The following SELENOP variants were observed in gnomAD, a reference collection of about 807,000 sequenced individuals.
SELENOP encodes the protein selenoprotein P.
Under a neutral mutation model 41.0 loss-of-function variants are expected in SELENOP, and 36 were observed. The ratio of observed to expected loss-of-function variants is 0.88; its 90% CI spans 0.67 to 1.16. The LOEUF (loss-of-function observed/expected upper bound fraction) is 1.16. Among genes scored for constraint, SELENOP ranks in the 50% most tolerant of loss-of-function variants. The probability of loss-of-function intolerance (pLI) is 0.00; values close to 1 mark genes in which losing one functional copy is unlikely to be tolerated. For missense variants in SELENOP, 440 were observed against 454.2 expected (o/e 0.97, Z 0.28); for synonymous variants, 144 against 150.8 (o/e 0.95, Z 0.33).
rs1052324191 is a variant in SELENOP at position 42,801,687 on chromosome 5, G to C, written c.535-356C>G. ...ATCCCACCACTTTGGGTGGCCGAGG[G>C]GGGCAGATTACTTGGGCTCAGGAGT... is the stretch of plus-strand genomic sequence containing the variant. On this transcript the variant is annotated intron_variant, in intron 4 of 4. Coordinates refer to ENST00000514985, the MANE Select transcript of SELENOP (RefSeq NM_005410.4). 13 of 275,684 alleles carry C rather than the reference G, an allele frequency of 4.7e-5. No homozygotes were observed. The East Asian group carries it at 7.6e-4, about 16-fold the overall frequency. The allele number at this position is 275,684 out of a possible 1,614,324, so 17.1% of individuals were successfully genotyped here.
intron 3 of SELENOP, chr5:42,805,780 G>A (rs1760318332): frequency 6.6e-6 from 1 of 152,074 alleles, no homozygotes; most frequent in South Asian, 2.1e-4. Context: ...CCAATTTATG[G>A]GGATAATCAA....
At chr5:42,810,956 C>G (rs375425824) in intron 1 of SELENOP, among the ~76,000 whole-genome samples, 4 of 151,990 alleles carry the variant, frequency 2.6e-5, no homozygotes, top group Non-Finnish European at 5.9e-5. Flanking sequence ...TTTCTTACAC[C>G]GTAAACCTTT....
At position 42,800,487 on chromosome 5, in the gene SELENOP, A is replaced by G. The variant is rs1005406926; in HGVS notation, c.*233T>C. ...GAACACTGGAAAAAGAAAAAAAAAG[A>G]CATATTAACCAAAAGCTGCAATCAC... is the stretch of plus-strand genomic sequence containing the variant. On this transcript the variant is annotated 3_prime_UTR_variant, in exon 5 of 5. Transcript: ENST00000514985. 4 of 447,102 alleles carry G rather than the reference A, an allele frequency of 8.9e-6. No homozygotes were observed. The highest frequency in any genetic ancestry group is 8.0e-5 in the African/African-American group (4 of 49,712). The allele number at this position is 447,102 out of a possible 1,614,324, so 27.7% of individuals were successfully genotyped here. A position where few individuals can be genotyped will look rare whatever the true frequency, so the allele number is the denominator to read the frequency against.
rs776453322 is a variant in SELENOP, at chr5:42,804,700, T to C, written c.490A>G (p.Lys164Glu). The change falls in exon 4 of 5, where the codon AAG becomes GAG. Residue 164 changes from lysine (K) to glutamate (E), a missense_variant. Coordinates refer to ENST00000514985, the MANE Select transcript of SELENOP (RefSeq NM_005410.4). The stretch of plus-strand genomic sequence containing the variant: ...CATTTCTTTTCACAGTAAGCAATCT[T>C]AATGGCTTCTTCTACATATGGGAAA... ...LTFPYVEEAI[K>E]IAYCEKKCGN... 2 of 1,610,348 alleles carry C rather than the reference T, an allele frequency of 1.2e-6. No individual in the cohort carries two copies. The highest frequency in any genetic ancestry group is 1.7e-6 in the Non-Finnish European group (2 of 1,177,310).
chr5:42,802,951 A>G (rs977073290), intron 4 of SELENOP, among the ~76,000 whole-genome samples: 2 of 141,440 alleles, frequency 1.4e-5, no homozygotes, highest in African/African-American at 4.9e-5. Flanking sequence ...TTTACTGATT[A>G]TGTGATGCAT....
chr5:42,801,099 C>A lies in SELENOP; in HGVS notation c.767G>T (p.Gly256Val), dbSNP rs373890378. The A allele has an allele frequency of 5.0e-6, 8 of 1,613,988 alleles. No individual in the cohort carries two copies. Among genetic ancestry groups the A allele is most frequent in the Non-Finnish European group, 6.8e-6 (8 of 1,180,026 alleles). Residue 256 changes from glycine to valine, a missense_variant, in exon 5 of 5, where the codon GGT (glycine) becomes GTT (valine). Transcript: ENST00000514985. ...TGGCATATCTCGGTTCTCTGGGTGA[C>A]CCTGCCTATGCTGACCCTTGTGCTT... The part of the protein sequence containing the change: ...HHKHKGQHRQ[G>V]HPENRDMPAS...
At chr5:42,810,331 TTTC>T (rs1463298471) in intron 1 of SELENOP, among the ~76,000 whole-genome samples, 28 of 152,252 alleles carry the variant, frequency 1.8e-4, no homozygotes, top group African/African-American at 6.3e-4. Flanking sequence ...AGCTGTTTTA[TTTC>T]TTAATAGAAA....
chr5:42,806,433 T>C (rs1428551773), intron 3 of SELENOP: 1 of 152,920 alleles, frequency 6.5e-6, no homozygotes, highest in Admixed American at 6.5e-5. Context: ...AGTTCAGTCA[T>C]TGTGTTTCAG....
chr5:42,802,858 C>T (rs1323576461), intron 4 of SELENOP, among the ~76,000 whole-genome samples: 1 of 152,214 alleles, frequency 6.6e-6, no homozygotes, highest in Non-Finnish European at 1.5e-5. Flanking sequence ...ATTCATCCAC[C>T]TCGGCCTCCC....
chr5:42,807,078 T>C lies in SELENOP; in HGVS notation c.234A>G (p.Lys78=). ...KLEDLRVKLK[K]EGYSNISYIV... is the part of the protein sequence containing the mutation. ...TATAAGAAATATTAGAATATCCTTC[T>C]TTCTTCAGTTTTACTCGCAGGTCTT... The change falls in exon 3 of 5, where the codon AAA becomes AAG. Residue 78 remains lysine (K), a synonymous_variant. Coordinates refer to ENST00000514985, the MANE Select transcript of SELENOP (RefSeq NM_005410.4). 6.6e-7 allele frequency: 1 copy of C among 1,520,514 alleles called. No individual in the cohort carries two copies. The highest frequency in any genetic ancestry group is 9.1e-7 in the Non-Finnish European group (1 of 1,103,200). 94.2% of individuals were successfully genotyped at this position (1,520,514 alleles called of 1,614,324 possible). A position where few individuals can be genotyped will look rare whatever the true frequency, so the allele number is the denominator to read the frequency against.
intron 3 of SELENOP, chr5:42,806,621 G>A (rs1211253358): frequency 7.9e-6 from 2 of 252,864 alleles, no homozygotes; most frequent in Non-Finnish European, 1.5e-5. Context: ...TCAGGAGGTG[G>A]AAGAGGAGGA....
intron 1 of SELENOP, among the ~76,000 whole-genome samples, chr5:42,810,957 G>A (rs1022546944): frequency 2.6e-5 from 4 of 152,010 alleles, no homozygotes; most frequent in African/African-American, 7.3e-5. Context: ...TTCTTACACC[G>A]TAAACCTTTG....
intron 4 of SELENOP, among the ~76,000 whole-genome samples, chr5:42,803,890 G>C (rs1760266455): frequency 6.6e-6 from 1 of 152,166 alleles, no homozygotes; most frequent in Non-Finnish European, 1.5e-5. Flanking sequence ...AGGGCTTCAG[G>C]AAAAATCTGA....
chr5:42,804,855 A>G (rs963269474), intron 3 of SELENOP, 82 bp from the exon 4 acceptor site: 4 of 876,906 alleles, frequency 4.6e-6, no homozygotes, highest in Non-Finnish European at 7.1e-6. Flanking sequence ...GATAGGTATT[A>G]TAGGTTTAAT....
chr5:42,801,584 TG>T (rs1760204140), intron 4 of SELENOP: 6 of 457,848 alleles, frequency 1.3e-5, no homozygotes, highest in Admixed American at 3.9e-5. Flanking sequence ...AAAAGGAACT[TG>T]GATTGCAGGA....
Position 42,806,994 on chromosome 5 carries a change from C to T in SELENOP, c.318G>A (p.Lys106=). 1 of 1,607,936 alleles carries T rather than the reference C, an allele frequency of 6.2e-7. No homozygotes were observed. The highest frequency in any genetic ancestry group is 8.5e-7 in the Non-Finnish European group (1 of 1,175,112). The change falls in exon 3 of 5, where the codon AAG becomes AAA. Residue 106 remains lysine, a synonymous_variant. Transcript: ENST00000514985. ...SRLKYTHLKN[K]VSEHIPVYQQ... Reference sequence around the variant, plus strand: ...GATAAACAGGAATATGCTCTGAAACCTTATTCTTAAGATGTGTGTATTTTA... The same window carrying T: ...GATAAACAGGAATATGCTCTGAAACTTTATTCTTAAGATGTGTGTATTTTA...
chr5:42,808,817 G>A (rs966443115), intron 1 of SELENOP, among the ~76,000 whole-genome samples: 1 of 151,918 alleles, frequency 6.6e-6, no homozygotes, highest in East Asian at 1.9e-4. Context: ...CTACTCAGGA[G>A]GCTGAGGCAG....
Position 42,808,278 on chromosome 5 carries a change from A to G in SELENOP, c.76T>C (p.Ser26Pro). Residue 26 changes from serine to proline, a missense_variant, in exon 2 of 5, where the codon TCC becomes CCC. Ser to Pro is a moderately conservative substitution (Grantham distance 74). Coordinates refer to ENST00000514985, the MANE Select transcript of SELENOP (RefSeq NM_005410.4). ...CAGGCTGGGGGTTGCTTACATAAGGAGCTTTGGTCCTGGCTCTCTGTTCCT... is the reference window on the plus strand; with the variant it reads ...CAGGCTGGGGGTTGCTTACATAAGGGGCTTTGGTCCTGGCTCTCTGTTCCT... The part of the protein sequence containing the change: ...SGGTESQDQS[S>P]LCKQPPAWSI... 6.4e-7 allele frequency: 1 copy of G among 1,569,194 alleles called. No homozygotes were observed.
Position 42,807,015 on chromosome 5 carries a change from T to C in SELENOP, c.297A>G (p.Lys99=). The part of the protein sequence containing the change: ...VNHQGISSRL[K]YTHLKNKVSE... ...AAACCTTATTCTTAAGATGTGTGTA[T>C]TTTAATCGAGAAGAGATTCCTTGAT... The change falls in exon 3 of 5, where the codon AAA becomes AAG. Residue 99 remains lysine (K), a synonymous_variant. Transcript: ENST00000514985. 5 of 1,594,896 alleles carry C rather than the reference T, an allele frequency of 3.1e-6. No individual in the cohort carries two copies. Among genetic ancestry groups the C allele is most frequent in the Non-Finnish European group, 4.3e-6 (5 of 1,163,378 alleles).
Sources: gnomAD v4.1 joint callset for allele counts (sites outside exome capture counted in the v4.1 genomes callset) on GRCh38, gnomAD v4.1.1 for gene constraint, MANE v1.5 for transcripts, NCBI Gene and HGNC (gene_info 2026-07-23, HGNC 2026-07-21) for gene names.